The following KLHDC10 variants were observed in gnomAD, a reference collection of about 807,000 sequenced individuals.
The protein encoded by KLHDC10 is kelch domain-containing protein 10.
Under a neutral mutation model 56.1 loss-of-function variants are expected in KLHDC10, and 24 were observed. That is an observed-to-expected ratio of 0.43 (90% CI 0.31 to 0.60). The LOEUF is 0.60. Ranked by LOEUF, KLHDC10 falls within the 20% of genes least tolerant of loss-of-function variation. KLHDC10 has a pLI of 0.11. For synonymous variants in KLHDC10, 188 were observed against 207.1 expected (o/e 0.91, Z 0.79); for missense variants, 349 against 567.0 (o/e 0.62, Z 3.91).
intron 1 of KLHDC10, among the ~76,000 whole-genome samples, chr7:130,080,496 G>T (rs1795588264): frequency 6.6e-6 from 1 of 151,966 alleles, no homozygotes; most frequent in Admixed American, 6.6e-5. Context: ...GGGCTCAAGG[G>T]ATCCTCCTTC....
chr7:130,110,566 C>T (rs1796086609), intron 2 of KLHDC10, among the ~76,000 whole-genome samples: 1 of 152,072 alleles, frequency 6.6e-6, no homozygotes, highest in African/African-American at 2.4e-5. Flanking sequence ...AACTTGGGCT[C>T]TGGGAGTAGT....
chr7:130,110,682 G>T (rs140549712), intron 2 of KLHDC10, among the ~76,000 whole-genome samples: 1 of 152,194 alleles, frequency 6.6e-6, no homozygotes, highest in Non-Finnish European at 1.5e-5. Context: ...GTCTTTTGTG[G>T]TAGAGGTAAT....
chr7:130,128,889 A>ATATATATATATATAT (rs1554468214), intron 8 of KLHDC10, among the ~76,000 whole-genome samples: 5 of 66,954 alleles, frequency 7.5e-5, no homozygotes, highest in African/African-American at 2.9e-4. Context: ...AAAAAAAAAA[A>ATATATATATATATAT]ATATATATAT....
chr7:130,079,112 C>T (rs1795561162), intron 1 of KLHDC10, among the ~76,000 whole-genome samples: 1 of 151,668 alleles, frequency 6.6e-6, no homozygotes, highest in Admixed American at 6.6e-5. Flanking sequence ...GGCTGGAGTA[C>T]AGTGGCTCGA....
At chr7:130,089,521 T>C (rs1795741132) in intron 1 of KLHDC10, among the ~76,000 whole-genome samples, 1 of 152,214 alleles carries the variant, frequency 6.6e-6, no homozygotes, top group Non-Finnish European at 1.5e-5. Context: ...ATAGAGTAGA[T>C]AATAAATGTC....
At chr7:130,081,079 A>G (rs1795599162) in intron 1 of KLHDC10, among the ~76,000 whole-genome samples, 1 of 148,906 alleles carries the variant, frequency 6.7e-6, no homozygotes, top group South Asian at 2.1e-4. Flanking sequence ...GCTCACTGCA[A>G]ACTCTGCCCT....
chr7:130,105,327 C>A (rs1388006667), intron 2 of KLHDC10, among the ~76,000 whole-genome samples: 1 of 152,176 alleles, frequency 6.6e-6, no homozygotes, highest in Non-Finnish European at 1.5e-5. Flanking sequence ...ACATTAAGAA[C>A]CACAAATTTG....
chr7:130,129,311 C>T lies in KLHDC10; in HGVS notation c.980-126C>T, dbSNP rs1432499075. 50 of 979,594 alleles carry T rather than the reference C, an allele frequency of 5.1e-5. No individual in the cohort carries two copies. In the South Asian group the frequency reaches 6.2e-4, roughly 12 times the overall value. The allele number at this position is 979,594 out of a possible 1,614,324, so 60.7% of individuals were successfully genotyped here. A position where few individuals can be genotyped will look rare whatever the true frequency, so the allele number is the denominator to read the frequency against. On this transcript the variant is annotated intron_variant, in intron 8 of 9. Transcript: ENST00000335420. The stretch of plus-strand genomic sequence containing the variant: ...GCATGAGAGGCTGCACAGCAGAAGT[C>T]GTCTGTGTCATGGGGCAATCCACTT...
At chr7:130,099,028 T>C (rs1360000264) in intron 2 of KLHDC10, among the ~76,000 whole-genome samples, 1 of 152,222 alleles carries the variant, frequency 6.6e-6, no homozygotes, top group African/African-American at 2.4e-5. Flanking sequence ...TGGCCTTCTT[T>C]TAGTTCTCAC....
rs192101155 is a variant in KLHDC10, at chr7:130,130,661, C to T, written c.1244C>T (p.Ala415Val). The T allele has an allele frequency of 8.7e-6, 14 of 1,614,118 alleles. No homozygotes were observed. In the African/African-American group the frequency reaches 9.3e-5, roughly 11 times the overall value. Residue 415 changes from alanine (A) to valine (V), a missense_variant, in exon 10 of 10, where the codon GCG (alanine) becomes GTG (valine). Ala to Val is a moderately conservative substitution (Grantham distance 64). This residue lies in a region of KLHDC10 where 245 missense variants were observed against 470.1 expected (regional missense o/e 0.52). Transcript: ENST00000335420. The surrounding 1 kb of genome is among the most constrained non-coding windows in gnomAD (Gnocchi z 4.2). ...LLELAWEKLL[A>V]AFPNLANLSR... ...GAACTGGCATGGGAGAAGCTGCTTG[C>T]GGCCTTCCCTAACCTTGCAAACCTC...
chr7:130,124,119 C>T (rs1336953771), intron 5 of KLHDC10, among the ~76,000 whole-genome samples: 1 of 151,910 alleles, frequency 6.6e-6, no homozygotes, highest in Non-Finnish European at 1.5e-5. Context: ...CAAAGATAAC[C>T]AGGTTTAATG....
In KLHDC10 at chr7:130,120,501, C is replaced by T. The variant is rs1796234235; in HGVS notation, c.476-248C>T. ...ATACCAAATCCAAAACTTTGAAATC[C>T]AACATGTTCCAGTGAGCATTTCCTT... On this transcript the variant is annotated intron_variant, in intron 3 of 9. Transcript: ENST00000335420. This position sits in a 1 kb window ranked among gnomAD's most constrained non-coding sequence, Gnocchi z 5.1. Among the ~76,000 whole-genome samples, 2 of 152,092 alleles carry T rather than the reference C, an allele frequency of 1.3e-5. No individual in the cohort carries two copies. The highest frequency in any genetic ancestry group is 1.3e-4 in the Admixed American group (2 of 15,278).
rs1796431956 is a variant in KLHDC10, at chr7:130,133,768, T to C, written c.*3022T>C. 1 of 152,230 alleles carries C rather than the reference T, an allele frequency of 6.6e-6. No individual in the cohort carries two copies. The highest frequency in any genetic ancestry group is 2.4e-5 in the African/African-American group (1 of 41,460). 9.4% of individuals were successfully genotyped at this position (152,230 alleles called of 1,614,324 possible). A position where few individuals can be genotyped will look rare whatever the true frequency, so the allele number is the denominator to read the frequency against. ...GTATTTAACACTAACCATTCTCCTA[T>C]GTATATACTAATTTATCTGGGAATG... On this transcript the variant is annotated 3_prime_UTR_variant, in exon 10 of 10. Transcript: ENST00000335420.
chr7:130,117,347 AT>A (rs1486331453), intron 3 of KLHDC10, among the ~76,000 whole-genome samples: 3 of 152,126 alleles, frequency 2.0e-5, no homozygotes, highest in Non-Finnish European at 4.4e-5. Flanking sequence ...TGCTGCATCA[AT>A]TGGCTCTTCC....
chr7:130,102,354 G>A (rs1795943255), intron 2 of KLHDC10, among the ~76,000 whole-genome samples: 1 of 152,078 alleles, frequency 6.6e-6, no homozygotes, highest in Non-Finnish European at 1.5e-5. Context: ...ATATGAGTAG[G>A]TGATAAAGGC....
At chr7:130,075,521 A>AG (rs971607753) in intron 1 of KLHDC10, among the ~76,000 whole-genome samples, 10 of 152,078 alleles carry the variant, frequency 6.6e-5, no homozygotes, top group Admixed American at 5.9e-4. Context: ...TTCCAGGTTC[A>AG]GGGGGGACGG....
chr7:130,128,889 A>AAAAAAAAAAATATATATATATAT, intron 8 of KLHDC10, among the ~76,000 whole-genome samples: 22 of 66,946 alleles, frequency 3.3e-4, no homozygotes, highest in Non-Finnish European at 4.2e-4. Flanking sequence ...AAAAAAAAAA[A>AAAAAAAAAAATATATATATATAT]ATATATATAT....
intron 2 of KLHDC10, among the ~76,000 whole-genome samples, chr7:130,108,609 C>A (rs959391538): frequency 1.3e-5 from 2 of 149,972 alleles, no homozygotes; most frequent in Admixed American, 1.3e-4. Flanking sequence ...GGTCCCAGCA[C>A]TCATCAGGAT....
intron 2 of KLHDC10, among the ~76,000 whole-genome samples, chr7:130,103,632 G>A (rs1166893883): frequency 6.6e-6 from 1 of 152,104 alleles, no homozygotes; most frequent in Non-Finnish European, 1.5e-5. Flanking sequence ...AGCATGGTTT[G>A]CTACAAGATA....
Sources: allele counts gnomAD v4.1 joint callset (sites outside exome capture counted in the v4.1 genomes callset), GRCh38; gene constraint gnomAD v4.1.1; regional missense constraint gnomAD v4.1.1; non-coding constraint Gnocchi (gnomAD v3.1); transcripts MANE v1.5; gene names NCBI Gene and HGNC (gene_info 2026-07-23, HGNC 2026-07-21).